The following NCOA1 variants were observed in gnomAD, a reference collection of about 807,000 sequenced individuals.
The protein encoded by NCOA1 is nuclear receptor coactivator 1.
A neutral mutation model predicts 150.9 loss-of-function variants in NCOA1; 35 were observed. The observed-to-expected ratio is 0.23, with a 90% CI of 0.18 to 0.31. The LOEUF is 0.31. Among genes scored for constraint, NCOA1 ranks in the 10% least tolerant of loss-of-function variants. The pLI is 1.00. For missense variants in NCOA1, 1,491 were observed against 1,749.3 expected, an observed-to-expected ratio of 0.85 and a Z score of 2.63; for synonymous variants, 590 against 630.0, an observed-to-expected ratio of 0.94 and a Z score of 0.95.
intron 3 of NCOA1, among the ~76,000 whole-genome samples, chr2:24,613,527 C>T (rs1049758773): frequency 6.6e-6 from 1 of 152,134 alleles, no homozygotes; most frequent in East Asian, 1.9e-4. Flanking sequence ...GCTGGCAAAC[C>T]TCCTTGGCCC....
intron 1 of NCOA1, among the ~76,000 whole-genome samples, chr2:24,550,802 A>G (rs1228572657): frequency 6.6e-6 from 1 of 152,150 alleles, no homozygotes; most frequent in African/African-American, 2.4e-5. Context: ...TATTTGTATT[A>G]CCTAACTTTA....
chr2:24,735,694 C>T (rs933654883), intron 17 of NCOA1, among the ~76,000 whole-genome samples: 16 of 151,926 alleles, frequency 1.1e-4, no homozygotes, highest in African/African-American at 1.7e-4. Flanking sequence ...GAAAAACATC[C>T]TAGGAAACTA....
Position 24,572,939 on chromosome 2 carries a change from A to G in NCOA1, c.-260+8509A>G, listed in dbSNP as rs572827689. Among the ~76,000 whole-genome samples the G allele has an allele frequency of 3.9e-5, 6 of 152,302 alleles. No individual in the cohort carries two copies. The South Asian group carries it at 1.2e-3, about 32-fold the overall frequency. On this transcript the variant is annotated intron_variant, in intron 2 of 22. Coordinates refer to ENST00000348332, the MANE Select transcript of NCOA1 (RefSeq NM_003743.5). Reference sequence around the variant, plus strand: ...AGAGATAAAACATATTTTTTTGAATAACAAATGTGTATGACAAACCCACTC... The same window carrying G: ...AGAGATAAAACATATTTTTTTGAATGACAAATGTGTATGACAAACCCACTC...
At chr2:24,569,453 A>C (rs1328558639) in intron 2 of NCOA1, among the ~76,000 whole-genome samples, 1 of 152,078 alleles carries the variant, frequency 6.6e-6, no homozygotes, top group African/African-American at 2.4e-5. Context: ...TTCAATGTTA[A>C]GGATGAAATA....
chr2:24,577,555 C>A (rs1000536294), intron 2 of NCOA1, among the ~76,000 whole-genome samples: 11 of 152,150 alleles, frequency 7.2e-5, no homozygotes, highest in African/African-American at 2.2e-4. Flanking sequence ...AATTTTGAGT[C>A]ATATGGAAAT....
intron 11 of NCOA1, among the ~76,000 whole-genome samples, chr2:24,703,072 C>T (rs966443221): frequency 6.6e-6 from 1 of 152,140 alleles, no homozygotes; most frequent in African/African-American, 2.4e-5. Context: ...AGGAAATACT[C>T]ATTCAATACC....
At chr2:24,546,641 G>T (rs1362194426) in intron 1 of NCOA1, among the ~76,000 whole-genome samples, 1 of 152,180 alleles carries the variant, frequency 6.6e-6, no homozygotes, top group East Asian at 1.9e-4. Flanking sequence ...TCACGAGCTT[G>T]ATAGTATCTT....
At chr2:24,576,188 T>TTTTTTTTTTTTTTTTTG (rs1558806701) in intron 2 of NCOA1, among the ~76,000 whole-genome samples, 1 of 97,358 alleles carries the variant, frequency 1.0e-5, no homozygotes, top group Non-Finnish European at 2.2e-5. Flanking sequence ...TTTTTTTTTT[T>TTTTTTTTTTTTTTTTTG]TTTGTTTGCT....
chr2:24,564,047 G>T (rs1175513768), intron 1 of NCOA1, among the ~76,000 whole-genome samples: 5 of 152,126 alleles, frequency 3.3e-5, no homozygotes, highest in African/African-American at 1.2e-4. Context: ...CTCCTTTGGG[G>T]ATCTGAGCTT....
In NCOA1 at chr2:24,707,136, G is replaced by A. The variant is rs1006600430; in HGVS notation, c.1666G>A (p.Ala556Thr). 5 of 1,614,164 alleles carry A rather than the reference G, an allele frequency of 3.1e-6. No individual in the cohort carries two copies. The highest frequency in any genetic ancestry group is 1.7e-5 in the Admixed American group (1 of 60,016). Residue 556 changes from alanine (A) to threonine (T), a missense_variant, in exon 13 of 23, where the codon GCC (alanine) becomes ACC (threonine). Around this residue, in one of 8 missense-constraint regions of NCOA1, gnomAD observed 703 missense variants for 717.7 expected, o/e 0.98. Coordinates refer to ENST00000348332, the MANE Select transcript of NCOA1 (RefSeq NM_003743.5). ...ACCCAATAACTCCGTTGGCTTCTCTGCCAGTTCTCCAGTCCTCAGGCAGAT... is the reference window on the plus strand; with the variant it reads ...ACCCAATAACTCCGTTGGCTTCTCTACCAGTTCTCCAGTCCTCAGGCAGAT... ...EGPNNSVGFS[A>T]SSPVLRQMSS...
At chr2:24,716,476 A>G (rs770566079) in intron 14 of NCOA1, among the ~76,000 whole-genome samples, 8 of 152,200 alleles carry the variant, frequency 5.3e-5, no homozygotes, top group Non-Finnish European at 1.2e-4. Flanking sequence ...ATACATGGTG[A>G]TATAACAACT....
chr2:24,716,830 G>C (rs1434808092), intron 14 of NCOA1, among the ~76,000 whole-genome samples: 2 of 152,052 alleles, frequency 1.3e-5, no homozygotes, highest in Non-Finnish European at 2.9e-5. Flanking sequence ...AAACATTTAA[G>C]GAAGAAATTA....
At chr2:24,553,077 T>C (rs1207802001) in intron 1 of NCOA1, among the ~76,000 whole-genome samples, 1 of 152,244 alleles carries the variant, frequency 6.6e-6, no homozygotes, top group Admixed American at 6.5e-5. Flanking sequence ...GTTCGTCATC[T>C]TAGGAGACAA....
chr2:24,510,092 C>T (rs62140842), intron 1 of NCOA1, among the ~76,000 whole-genome samples: 22,521 of 152,222 alleles, frequency 0.15, 2,001 homozygotes, highest in Non-Finnish European at 0.2. Flanking sequence ...TCTTGTCACC[C>T]AGGCTGGAGT....
chr2:24,711,235 T>C (rs1254279985), intron 14 of NCOA1, 124 bp downstream of exon 14: 2 of 911,560 alleles, frequency 2.2e-6, no homozygotes, highest in African/African-American at 3.4e-5. Flanking sequence ...TTAATGCCAC[T>C]ATAAATAATA....
intron 2 of NCOA1, among the ~76,000 whole-genome samples, chr2:24,579,402 C>T (rs1407224749): frequency 1.3e-5 from 2 of 152,036 alleles, no homozygotes; most frequent in African/African-American, 2.4e-5. Context: ...TATGAGAAGT[C>T]GTTGATGCTT....
intron 1 of NCOA1, among the ~76,000 whole-genome samples, chr2:24,519,746 G>A (rs1236480557): frequency 6.6e-6 from 1 of 151,764 alleles, no homozygotes; most frequent in Non-Finnish European, 1.5e-5. Context: ...AGGATTGTTT[G>A]TGCCCAGAAG....
intron 19 of NCOA1, among the ~76,000 whole-genome samples, chr2:24,748,398 T>G (rs1353992824): frequency 6.6e-6 from 1 of 152,022 alleles, no homozygotes; most frequent in Non-Finnish European, 1.5e-5. Flanking sequence ...GATCACAAGG[T>G]CAGGAGATCA....
intron 1 of NCOA1, among the ~76,000 whole-genome samples, chr2:24,561,169 G>A (rs1196134688): frequency 1.3e-5 from 2 of 152,152 alleles, no homozygotes; most frequent in Non-Finnish European, 2.9e-5. Context: ...GTAGGTAAAT[G>A]TCTTTGTGTA....
Sources: gnomAD v4.1 joint callset for allele counts (sites outside exome capture counted in the v4.1 genomes callset) on GRCh38, gnomAD v4.1.1 for gene constraint, gnomAD v4.1.1 regional missense constraint, MANE v1.5 for transcripts, NCBI Gene and HGNC (gene_info 2026-07-23, HGNC 2026-07-21) for gene names.